The following SLC5A5 variants were observed in gnomAD, a reference collection of about 807,000 sequenced individuals.
SLC5A5 encodes the protein sodium/iodide cotransporter.
In SLC5A5, 56 loss-of-function variants were observed where a neutral mutation model predicts 68.6. The observed-to-expected ratio is 0.82, with a 90% confidence interval of 0.66 to 1.02. The LOEUF is 1.02. Among genes scored for constraint, SLC5A5 ranks in the 50% least tolerant of loss-of-function variants. SLC5A5 has a pLI of 0.00. For missense variants in SLC5A5, 807 were observed against 859.8 expected (o/e 0.94, Z 0.77); for synonymous variants, 398 against 373.0 (o/e 1.07, Z -0.77).
intron 14 of SLC5A5, among the ~76,000 whole-genome samples, chr19:17,891,239 T>C (rs1205215925): frequency 6.6e-6 from 1 of 152,174 alleles, no homozygotes; most frequent in South Asian, 2.1e-4. Context: ...AGAGTCTCGC[T>C]CTGTTGCCCA....
intron 10 of SLC5A5, among the ~76,000 whole-genome samples, chr19:17,882,687 G>GT (rs1196365312): frequency 2.2e-4 from 30 of 137,530 alleles, no homozygotes; most frequent in African/African-American, 8.2e-4. Flanking sequence ...TAATATTTTT[G>GT]TATTTTTTTT....
intron 14 of SLC5A5, among the ~76,000 whole-genome samples, chr19:17,892,331 G>A (rs1410620295): frequency 7.2e-6 from 1 of 139,784 alleles, no homozygotes; most frequent in African/African-American, 2.6e-5. Context: ...GGGAGGGAGG[G>A]AAAAGAAGGA....
At position 17,874,202 on chromosome 19, in the gene SLC5A5, C is replaced by T. The variant is rs372849437; in HGVS notation, c.422C>T (p.Thr141Met). ...LCGTLQYIVA[T>M]MLYTGIVIYA... The stretch of plus-strand genomic sequence containing the variant: ...GGGACTTTGCAGTACATTGTAGCCA[C>T]GGTGAGTGGCCTCGGCCCCGCCCTC... The change falls in exon 2 of 15, where the codon ACG becomes ATG. Residue 141 changes from threonine to methionine, a missense_variant and splice_region_variant. Transcript: ENST00000222248. 1 of 1,604,936 alleles carries T rather than the reference C, an allele frequency of 6.2e-7. No individual in the cohort carries two copies. Among genetic ancestry groups the T allele is most frequent in the South Asian group, 1.1e-5 (1 of 90,930 alleles).
In SLC5A5 at chr19:17,888,368, A is replaced by G. The variant is rs759548159; in HGVS notation, c.1564A>G (p.Ser522Gly). 22 of 1,613,894 alleles carry G rather than the reference A, an allele frequency of 1.4e-5. No individual in the cohort carries two copies. In the South Asian group the frequency reaches 1.9e-4, roughly 14 times the overall value. The part of the protein sequence containing the change: ...MDASRPALAD[S>G]FYAISYLYYG... ...CGCCAGCCGACCCGCCTTAGCTGAC[A>G]GCTTCTATGCCATCTCCTATCTCTA... Residue 522 changes from serine to glycine, a missense_variant, in exon 13 of 15, where the codon AGC (serine) becomes GGC (glycine). Transcript: ENST00000222248.
In SLC5A5 at chr19:17,872,144, C is replaced by T; in HGVS notation, c.-176C>T. 2 of 599,558 alleles carry T rather than the reference C, an allele frequency of 3.3e-6. No homozygotes were observed. Among genetic ancestry groups the T allele is most frequent in the South Asian group, 4.0e-5 (2 of 50,622 alleles). The allele number at this position is 599,558 out of a possible 1,614,324, so 37.1% of individuals were successfully genotyped here. A position where few individuals can be genotyped will look rare whatever the true frequency, so the allele number is the denominator to read the frequency against. ...CACGGACATCGACAGCCCATAGATT[C>T]CTAACCCAGGGAGCCCCGGCCCCTC... is the stretch of plus-strand genomic sequence containing the variant. On this transcript the variant is annotated 5_prime_UTR_variant, in exon 1 of 15. Coordinates refer to ENST00000222248, the MANE Select transcript of SLC5A5 (RefSeq NM_000453.3).
At position 17,894,150 on chromosome 19, in the gene SLC5A5, T is replaced by TTTTTC. The variant is rs1555755516; in HGVS notation, c.*277_*278insCTTTT. 1.4e-4 allele frequency: 50 copies of TTTTTC among 359,072 alleles called. No individual in the cohort carries two copies. The highest frequency in any genetic ancestry group is 9.1e-4 in the Middle Eastern group (1 of 1,094). The allele number at this position is 359,072 out of a possible 1,614,324, so 22.2% of individuals were successfully genotyped here. A position where few individuals can be genotyped will look rare whatever the true frequency, so the allele number is the denominator to read the frequency against. ...CTGGGTTTTTCTCTCTCTCTTTTTTTTTTTTTTTTTTTTTTGAGACAGGGT... is the reference window on the plus strand; with the variant it reads ...CTGGGTTTTTCTCTCTCTCTTTTTTTTTTTCTTTTTTTTTTTTTTTGAGACAGGGT... On this transcript the variant is annotated 3_prime_UTR_variant, in exon 15 of 15. Coordinates refer to ENST00000222248, the MANE Select transcript of SLC5A5 (RefSeq NM_000453.3).
At position 17,890,960 on chromosome 19, in the gene SLC5A5, C is replaced by T; in HGVS notation, c.1726C>T (p.Pro576Ser). ...CGCACGGCAGACAGCATCAGTGGCC[C>T]CCAAGGAAGAAGTGGCCATCCTGGA... ...DLARQTASVA[P>S]KEEVAILDDN... Residue 576 changes from proline (P) to serine (S), a missense_variant, in exon 14 of 15, where the codon CCC (proline) becomes TCC (serine). Physicochemically the swap from Pro to Ser is moderately conservative, Grantham distance 74 (BLOSUM62 -1). Transcript: ENST00000222248. 1 of 1,613,970 alleles carries T rather than the reference C, an allele frequency of 6.2e-7. No homozygotes were observed. Among genetic ancestry groups the T allele is most frequent in the Non-Finnish European group, 8.5e-7 (1 of 1,179,880 alleles).
chr19:17,876,165 C>A, intron 5 of SLC5A5, 59 bp downstream of exon 5: 1 of 1,578,178 alleles, frequency 6.3e-7, no homozygotes, highest in Non-Finnish European at 8.7e-7. Flanking sequence ...TGCGGTGGCT[C>A]ATGCCTGTAA....
At position 17,894,118 on chromosome 19, in the gene SLC5A5, A is replaced by G. The variant is rs571158346; in HGVS notation, c.*241A>G. 87 of 515,600 alleles carry G rather than the reference A, an allele frequency of 1.7e-4. No individual in the cohort carries two copies. The highest frequency in any genetic ancestry group is 1.1e-3 in the African/African-American group (54 of 51,024). The allele number at this position is 515,600 out of a possible 1,614,324, so 31.9% of individuals were successfully genotyped here. A position where few individuals can be genotyped will look rare whatever the true frequency, so the allele number is the denominator to read the frequency against. On this transcript the variant is annotated 3_prime_UTR_variant, in exon 15 of 15. Transcript: ENST00000222248. The stretch of plus-strand genomic sequence containing the variant: ...GCTGCAGCCCTGACGGCTCCCCCCA[A>G]ATAAGGCTGGGTTTTTCTCTCTCTC...
chr19:17,874,937 G>A (rs1258788375), intron 4 of SLC5A5, among the ~76,000 whole-genome samples: 2 of 152,156 alleles, frequency 1.3e-5, no homozygotes, highest in East Asian at 1.9e-4. Flanking sequence ...CTGGATCCAG[G>A]CTTCCACCTC....
Position 17,872,238 on chromosome 19 carries a change from CTGCCTCCTCGG to C in SLC5A5, c.-81_-71del. On this transcript the variant is annotated 5_prime_UTR_variant, in exon 1 of 15. Coordinates refer to ENST00000222248, the MANE Select transcript of SLC5A5 (RefSeq NM_000453.3). Reference sequence around the variant, plus strand: ...CATCCTCCCACCCGCCCTCCCCGTCCTGCCTCCTCGGCCCCTGCCAGCTTCCCCCGCTTGAG... The same window carrying C: ...CATCCTCCCACCCGCCCTCCCCGTCCCCCCTGCCAGCTTCCCCCGCTTGAG... 1.3e-6 allele frequency: 1 copy of C among 755,378 alleles called. No individual in the cohort carries two copies. Among genetic ancestry groups the C allele is most frequent in the Non-Finnish European group, 2.2e-6 (1 of 453,078 alleles). The allele number at this position is 755,378 out of a possible 1,614,324, so 46.8% of individuals were successfully genotyped here. A position where few individuals can be genotyped will look rare whatever the true frequency, so the allele number is the denominator to read the frequency against.
intron 5 of SLC5A5, 119 bp downstream of exon 5, chr19:17,876,225 T>C: frequency 5.9e-6 from 6 of 1,009,870 alleles, no homozygotes; most frequent in South Asian, 5.2e-5. Context: ...AGCTCAGGAG[T>C]TCAAGACCAG....
In SLC5A5 at chr19:17,894,018, C is replaced by G; in HGVS notation, c.*141C>G. On this transcript the variant is annotated 3_prime_UTR_variant, in exon 15 of 15. Coordinates refer to ENST00000222248, the MANE Select transcript of SLC5A5 (RefSeq NM_000453.3). ...GAGTTCAGGACTACAATACCCTACC[C>G]TATGGGGAGGCCCTGCCTCCGGGAG... 1 of 831,072 alleles carries G rather than the reference C, an allele frequency of 1.2e-6. No homozygotes were observed. The highest frequency in any genetic ancestry group is 1.7e-5 in the African/African-American group (1 of 58,940). 51.5% of individuals were successfully genotyped at this position (831,072 alleles called of 1,614,324 possible). A position where few individuals can be genotyped will look rare whatever the true frequency, so the allele number is the denominator to read the frequency against.
chr19:17,882,111 T>C (rs2094321930), intron 9 of SLC5A5, 38 bp from the exon 10 acceptor site: 1 of 1,609,748 alleles, frequency 6.2e-7, no homozygotes, highest in Admixed American at 1.7e-5. Flanking sequence ...GCCAGGGCAG[T>C]CCCTCCCCGT....
intron 14 of SLC5A5, among the ~76,000 whole-genome samples, chr19:17,892,242 G>C (rs570626322): frequency 3.3e-5 from 5 of 151,182 alleles, no homozygotes; most frequent in Admixed American, 6.6e-5. Context: ...AGGTTGTAGT[G>C]AGCTGAGATC....
chr19:17,885,327 G>GTTTATTTATTTATTTATTTATTTA (rs538196595), intron 12 of SLC5A5, among the ~76,000 whole-genome samples: 7 of 151,310 alleles, frequency 4.6e-5, no homozygotes, highest in African/African-American at 1.7e-4. Flanking sequence ...TTTCTGTTTT[G>GTTTATTTATTTATTTATTTATTTA]TTTATTTATT....
chr19:17,878,312 C>T (rs951046143), intron 7 of SLC5A5, among the ~76,000 whole-genome samples: 7 of 151,998 alleles, frequency 4.6e-5, no homozygotes, highest in Non-Finnish European at 1.0e-4. Context: ...TGAGACCAGT[C>T]TGGCTAACAT....
At chr19:17,887,692 G>T (rs2029974776) in intron 12 of SLC5A5, among the ~76,000 whole-genome samples, 1 of 151,146 alleles carries the variant, frequency 6.6e-6, no homozygotes, top group South Asian at 2.1e-4. Flanking sequence ...CCACCTCCCG[G>T]GTTCATGCCA....
intron 7 of SLC5A5, among the ~76,000 whole-genome samples, chr19:17,878,930 G>A (rs1237315434): frequency 3.7e-5 from 5 of 136,944 alleles, no homozygotes; most frequent in Non-Finnish European, 7.8e-5. Flanking sequence ...AGCAGAGATC[G>A]CGCCATTGCA....
Sources: gnomAD v4.1 joint callset for allele counts (sites outside exome capture counted in the v4.1 genomes callset) on GRCh38, gnomAD v4.1.1 for gene constraint, MANE v1.5 for transcripts, NCBI Gene and HGNC (gene_info 2026-07-23, HGNC 2026-07-21) for gene names.